RUFY2: variants seen among roughly 807,000 people sequenced by gnomAD.
RUFY2 encodes the protein RUN and FYVE domain-containing protein 2.
Under a neutral mutation model 94.4 loss-of-function variants are expected in RUFY2, and 49 were observed. The observed-to-expected ratio is 0.52, with a 90% confidence interval of 0.41 to 0.66. The LOEUF is 0.66. Among genes scored for constraint, RUFY2 ranks in the 30% least tolerant of loss-of-function variants. RUFY2 has a pLI of 0.00. For synonymous variants in RUFY2, 255 were observed against 235.7 expected (o/e 1.08, Z -0.75); for missense variants, 541 against 692.8 (o/e 0.78, Z 2.46).
At chr10:68,399,219 T>C (rs1473596060) in intron 3 of RUFY2, among the ~76,000 whole-genome samples, 1 of 152,100 alleles carries the variant, frequency 6.6e-6, no homozygotes, top group Non-Finnish European at 1.5e-5. Context: ...AATTTTTTTG[T>C]ATTTTTAGTA....
intron 16 of RUFY2, among the ~76,000 whole-genome samples, chr10:68,349,348 C>T (rs888424534): frequency 2.0e-5 from 3 of 151,800 alleles, no homozygotes; most frequent in Non-Finnish European, 2.9e-5. Context: ...AGGCCCCCAC[C>T]ATCTCTAAAA....
rs2046929698 is a variant in RUFY2, at chr10:68,354,815, G to A, written c.1599+538C>T. Reference sequence around the variant, plus strand: ...TCACTCTATCATGCCATACTTTGTAGGGAAGTAAACAAAATTATTTCTAAG... The same window carrying A: ...TCACTCTATCATGCCATACTTTGTAAGGAAGTAAACAAAATTATTTCTAAG... On this transcript the variant is annotated intron_variant, in intron 16 of 17. Transcript: ENST00000602465. 2.6e-5 allele frequency among the ~76,000 whole-genome samples: 4 copies of A among 151,292 alleles called. No homozygotes were observed. In the South Asian group the frequency reaches 8.4e-4, roughly 32 times the overall value.
intron 12 of RUFY2, 66 bp downstream of exon 12, chr10:68,379,358 A>T: frequency 4.5e-6 from 5 of 1,110,748 alleles, no homozygotes; most frequent in Non-Finnish European, 3.8e-6. Context: ...TGGCAGGTGT[A>T]GGAACTGAAT....
intron 13 of RUFY2, among the ~76,000 whole-genome samples, chr10:68,375,861 G>A (rs1383975860): frequency 2.0e-5 from 3 of 152,046 alleles, no homozygotes; most frequent in South Asian, 2.1e-4. Flanking sequence ...ACTCTGGGAG[G>A]CCAAGGCAGG....
At chr10:68,353,158 C>T (rs2046805642) in intron 16 of RUFY2, among the ~76,000 whole-genome samples, 1 of 151,596 alleles carries the variant, frequency 6.6e-6, no homozygotes, top group East Asian at 2.0e-4. Flanking sequence ...CATGGCGAAA[C>T]CATCTCTACT....
chr10:68,395,059 G>A (rs911438232), intron 4 of RUFY2, among the ~76,000 whole-genome samples: 11 of 151,642 alleles, frequency 7.3e-5, no homozygotes, highest in Non-Finnish European at 1.2e-4. Context: ...AAAGTGGCAC[G>A]AGACACGGTG....
intron 3 of RUFY2, among the ~76,000 whole-genome samples, chr10:68,397,833 T>C (rs1456353294): frequency 1.3e-5 from 2 of 151,634 alleles, no homozygotes; most frequent in East Asian, 1.9e-4. Context: ...AAAATAAATA[T>C]TAAAACTTCA....
chr10:68,388,191 C>T (rs2049667420), intron 7 of RUFY2, among the ~76,000 whole-genome samples: 2 of 151,464 alleles, frequency 1.3e-5, no homozygotes. Flanking sequence ...TCAGGCCAGG[C>T]ACGGTGGCTC....
intron 14 of RUFY2, 76 bp downstream of exon 14, chr10:68,363,908 T>C (rs2047632754): frequency 2.3e-5 from 28 of 1,194,092 alleles, no homozygotes; most frequent in Middle Eastern, 4.0e-4. Flanking sequence ...CTTGGTATAA[T>C]GTAAATTATG....
At chr10:68,364,724 C>CTT (rs57815435) in intron 13 of RUFY2, among the ~76,000 whole-genome samples, 1 of 146,622 alleles carries the variant, frequency 6.8e-6, no homozygotes. Context: ...CATTGTTCTT[C>CTT]TTTTTTTTTT....
chr10:68,398,225 G>A (rs373908070), intron 3 of RUFY2, among the ~76,000 whole-genome samples: 14 of 150,610 alleles, frequency 9.3e-5, no homozygotes, highest in Non-Finnish European at 2.1e-4. Context: ...TCATAACAAA[G>A]CTAAGAGGGT....
chr10:68,343,035 A>C (rs2134824788), downstream of RUFY2: 1 of 152,340 alleles, frequency 6.6e-6, no homozygotes, highest in East Asian at 1.9e-4. Context: ...TGTAGCAAGG[A>C]AAAGGTGCTT....
At chr10:68,372,270 T>C (rs1429361535) in intron 13 of RUFY2, among the ~76,000 whole-genome samples, 1 of 151,950 alleles carries the variant, frequency 6.6e-6, no homozygotes, top group East Asian at 1.9e-4. Context: ...TGTGGTGGTA[T>C]GCTACTATCA....
In RUFY2 at chr10:68,378,643, C is replaced by G; in HGVS notation, c.1205+781G>C. On this transcript the variant is annotated intron_variant, in intron 12 of 17. Coordinates refer to ENST00000602465, the MANE Select transcript of RUFY2 (RefSeq NM_001330103.2). Reference sequence around the variant, plus strand: ...ATTTCACCAATGACATTGCAATTGTCCTAGTTTGAGTTAACAAATCGTTGT... The same window carrying G: ...ATTTCACCAATGACATTGCAATTGTGCTAGTTTGAGTTAACAAATCGTTGT... 2.5e-6 allele frequency: 4 copies of G among 1,612,398 alleles called. No individual in the cohort carries two copies. In the South Asian group the frequency reaches 3.3e-5, roughly 13 times the overall value.
chr10:68,406,517 G>C (rs567015086), intron 1 of RUFY2, among the ~76,000 whole-genome samples: 2 of 152,172 alleles, frequency 1.3e-5, no homozygotes, highest in Non-Finnish European at 2.9e-5. Flanking sequence ...GCTGGGCACC[G>C]GCAGTTCCCA....
intron 13 of RUFY2, among the ~76,000 whole-genome samples, chr10:68,368,055 T>C (rs2047990708): frequency 6.7e-6 from 1 of 148,340 alleles, no homozygotes; most frequent in African/African-American, 2.5e-5. Context: ...AACCTCCGCC[T>C]CCCGGGTTCA....
Position 68,355,382 on chromosome 10 carries a change from C to T in RUFY2, c.1570G>A (p.Asp524Asn), listed in dbSNP as rs915058516. Residue 524 changes from aspartate to asparagine, a missense_variant, in exon 16 of 18, where the codon GAC becomes AAC. Asp to Asn is a conservative substitution (Grantham distance 23). Coordinates refer to ENST00000602465, the MANE Select transcript of RUFY2 (RefSeq NM_001330103.2). ...KLSESKLKIE[D>N]IKEANKALQG... ...AATGCTTTGTTGGCTTCTTTTATGT[C>T]TTCAATTTTAAGTTTTGATCTAAAA... 16 of 1,610,484 alleles carry T rather than the reference C, an allele frequency of 9.9e-6. No homozygotes were observed. Among genetic ancestry groups the T allele is most frequent in the Non-Finnish European group, 1.4e-5 (16 of 1,177,352 alleles).
At chr10:68,356,878 G>A (rs1178317356) in intron 15 of RUFY2, among the ~76,000 whole-genome samples, 1 of 151,822 alleles carries the variant, frequency 6.6e-6, no homozygotes, top group Non-Finnish European at 1.5e-5. Context: ...ATGTATGTTG[G>A]GCCAGATGCG....
intron 14 of RUFY2, 34 bp from the exon 15 acceptor site, chr10:68,363,718 AAAAG>A (rs753612346): frequency 1.5e-6 from 2 of 1,359,670 alleles, no homozygotes; most frequent in Non-Finnish European, 2.0e-6. Context: ...AATGAAATTT[AAAAG>A]AAAGAAACAA....
Sources: gnomAD v4.1 joint callset for allele counts (sites outside exome capture counted in the v4.1 genomes callset) on GRCh38, gnomAD v4.1.1 for gene constraint, MANE v1.5 for transcripts, NCBI Gene and HGNC (gene_info 2026-07-23, HGNC 2026-07-21) for gene names.